DNAH9: variants seen among roughly 807,000 people sequenced by gnomAD.
The protein encoded by DNAH9 is DNAH9 variant protein.
A neutral mutation model predicts 471.6 loss-of-function variants in DNAH9; 345 were observed. The ratio of observed to expected loss-of-function variants is 0.73; its 90% confidence interval spans 0.67 to 0.80. DNAH9 has a LOEUF of 0.80. Among genes scored for constraint, DNAH9 ranks in the 30% least tolerant of loss-of-function variants. The pLI is 0.00. For missense variants in DNAH9, 5,407 were observed against 5,609.2 expected (o/e 0.96, Z 1.15); for synonymous variants, 2,093 against 2,123.6 (o/e 0.99, Z 0.40).
chr17:11,708,450 C>G (rs539165148), intron 26 of DNAH9, among the ~76,000 whole-genome samples: 1 of 152,188 alleles, frequency 6.6e-6, no homozygotes, highest in East Asian at 1.9e-4. Flanking sequence ...AAGACAAATG[C>G]AAATAGCACC....
Position 11,929,918 on chromosome 17 carries a change from A to T in DNAH9, c.11930A>T (p.Glu3977Val). ...AGCACCCTGGAGAAGAAGCTGGAGG[A>T]GCACAGTGAGAACAGCCACCCAGAG... ...WLSTLEKKLE[E>V]HSENSHPEFR... Residue 3977 changes from glutamate to valine, a missense_variant, in exon 63 of 69, where the codon GAG becomes GTG. Glu to Val is a moderately radical substitution (Grantham distance 121, BLOSUM62 -2). This residue lies in a region of DNAH9 where 4,636 missense variants were observed against 4,900.3 expected (regional missense o/e 0.95). Coordinates refer to ENST00000262442, the MANE Select transcript of DNAH9 (RefSeq NM_001372.4). 6.2e-7 allele frequency: 1 copy of T among 1,614,016 alleles called. No individual in the cohort carries two copies. The highest frequency in any genetic ancestry group is 8.5e-7 in the Non-Finnish European group (1 of 1,179,996).
intron 49 of DNAH9, among the ~76,000 whole-genome samples, chr17:11,842,896 C>T (rs1008455922): frequency 1.3e-5 from 2 of 152,160 alleles, no homozygotes; most frequent in Non-Finnish European, 2.9e-5. Flanking sequence ...TACTTTGCAC[C>T]CTTCAATCCA....
intron 12 of DNAH9, among the ~76,000 whole-genome samples, chr17:11,647,454 G>C (rs1482858377): frequency 1.3e-5 from 2 of 152,010 alleles, no homozygotes; most frequent in Non-Finnish European, 2.9e-5. Flanking sequence ...TTTGTACCCT[G>C]GATTTCTTTT....
intron 68 of DNAH9, among the ~76,000 whole-genome samples, chr17:11,964,449 A>G (rs1976517577): frequency 6.6e-6 from 1 of 152,098 alleles, no homozygotes. Context: ...AATAATAAAA[A>G]CTTCCCCAAA....
intron 6 of DNAH9, among the ~76,000 whole-genome samples, chr17:11,621,229 G>A (rs2072853283): frequency 6.6e-6 from 1 of 151,766 alleles, no homozygotes; most frequent in Non-Finnish European, 1.5e-5. Flanking sequence ...CCAACATGGT[G>A]AAATCCCGCC....
At chr17:11,852,546 A>G (rs1971460501) in intron 49 of DNAH9, among the ~76,000 whole-genome samples, 2 of 152,018 alleles carry the variant, frequency 1.3e-5, no homozygotes, top group African/African-American at 4.8e-5. Context: ...TCAGCCCAGT[A>G]CCTGGAGAAA....
chr17:11,779,507 G>T (rs547972598), intron 38 of DNAH9, among the ~76,000 whole-genome samples: 1 of 152,064 alleles, frequency 6.6e-6, no homozygotes, highest in Non-Finnish European at 1.5e-5. Flanking sequence ...AATCCCGTGC[G>T]CTCCATGGCC....
chr17:11,658,444 C>T (rs2150712021), intron 14 of DNAH9, among the ~76,000 whole-genome samples: 1 of 152,178 alleles, frequency 6.6e-6, no homozygotes, highest in Admixed American at 6.5e-5. Context: ...GTAAATAAGT[C>T]ATTTGCAAAT....
At chr17:11,875,291 C>T in intron 53 of DNAH9, 107 bp downstream of exon 53, 4 of 810,338 alleles carry the variant, frequency 4.9e-6, no homozygotes, top group Non-Finnish European at 7.7e-6. Flanking sequence ...CTCCTGGTCT[C>T]TCCATCAGGC....
At chr17:11,630,872 A>G (rs2073053049) in intron 7 of DNAH9, among the ~76,000 whole-genome samples, 1 of 152,226 alleles carries the variant, frequency 6.6e-6, no homozygotes, top group South Asian at 2.1e-4. Context: ...CAGTGTATAC[A>G]TGTATCAAAA....
chr17:11,918,018 G>A (rs539621962), intron 61 of DNAH9, among the ~76,000 whole-genome samples: 2 of 152,016 alleles, frequency 1.3e-5, no homozygotes, highest in South Asian at 2.1e-4. Flanking sequence ...TGTGTATCCC[G>A]CCTTTGTCTT....
At chr17:11,670,015 C>A (rs952149813) in intron 17 of DNAH9, among the ~76,000 whole-genome samples, 6 of 152,094 alleles carry the variant, frequency 3.9e-5, no homozygotes, top group Admixed American at 6.6e-5. Context: ...TGTTTCATGT[C>A]CAGTGTGTGA....
At position 11,679,819 on chromosome 17, in the gene DNAH9, AAGG is replaced by A. The variant is rs764273388; in HGVS notation, c.3419_3421del (p.Gly1140del). 4 of 1,614,162 alleles carry A rather than the reference AAGG, an allele frequency of 2.5e-6. No individual in the cohort carries two copies. Among genetic ancestry groups the A allele is most frequent in the East Asian group, 2.2e-5 (1 of 44,872 alleles). Reference sequence around the variant, plus strand: ...AGCGGCTTACTCAAGAAAGTTGAAAAAGGAGATTTCCAAGGCTTGGTTGAGATC... The same window carrying A: ...AGCGGCTTACTCAAGAAAGTTGAAAAAGATTTCCAAGGCTTGGTTGAGATC... On this transcript the variant is annotated inframe_deletion, in exon 18 of 69. Coordinates refer to ENST00000262442, the MANE Select transcript of DNAH9 (RefSeq NM_001372.4).
rs189781293 is a variant in DNAH9, at chr17:11,827,265, G to A, written c.9246+4231G>A. On this transcript the variant is annotated intron_variant, in intron 48 of 68. Transcript: ENST00000262442. ...ATTCTTGCATTGCTATAAAATACCC[G>A]AGGCTGGGTAATTTATAAAGAAAAG... is the stretch of plus-strand genomic sequence containing the variant. Among the ~76,000 whole-genome samples the A allele has an allele frequency of 3.5e-3, 532 of 152,272 alleles. 4 individuals are homozygous for A. Among genetic ancestry groups the A allele is most frequent in the African/African-American group, 0.012 (498 of 41,548 alleles).
chr17:11,685,756 G>C (rs1177306949), intron 19 of DNAH9, among the ~76,000 whole-genome samples: 1 of 151,580 alleles, frequency 6.6e-6, no homozygotes, highest in Non-Finnish European at 1.5e-5. Context: ...GGCGGGCACA[G>C]AATTGGAAGG....
At chr17:11,766,692 C>T (rs117924766) in intron 36 of DNAH9, among the ~76,000 whole-genome samples, 3,188 of 152,238 alleles carry the variant, frequency 0.021, 43 homozygotes, top group Non-Finnish European at 0.028. Context: ...GGGCTGGGTG[C>T]GGTGGCTCAC....
intron 67 of DNAH9, among the ~76,000 whole-genome samples, chr17:11,956,543 C>T (rs542740935): frequency 1.3e-5 from 2 of 152,176 alleles, no homozygotes; most frequent in South Asian, 4.1e-4. Context: ...TTCAAGAGTA[C>T]ACAGAACACT....
At chr17:11,666,330 C>T (rs1333435594) in intron 15 of DNAH9, among the ~76,000 whole-genome samples, 1 of 152,170 alleles carries the variant, frequency 6.6e-6, no homozygotes, top group Non-Finnish European at 1.5e-5. Context: ...ATGACTTCAT[C>T]CTTGACCAAT....
chr17:11,701,092 C>T (rs1371972564), intron 23 of DNAH9, 30 bp from the exon 24 acceptor site: 4 of 1,613,450 alleles, frequency 2.5e-6, no homozygotes, highest in Non-Finnish European at 3.4e-6. Context: ...TTCTCAGGCA[C>T]CCAGTGTCTA....
Sources: gnomAD v4.1 joint callset for allele counts (sites outside exome capture counted in the v4.1 genomes callset) on GRCh38, gnomAD v4.1.1 for gene constraint, gnomAD v4.1.1 regional missense constraint, MANE v1.5 for transcripts, NCBI Gene and HGNC (gene_info 2026-07-23, HGNC 2026-07-21) for gene names.